The following RPS6KC1 variants were observed in gnomAD, a reference collection of about 807,000 sequenced individuals.
The protein encoded by RPS6KC1 is ribosomal protein S6 kinase C1, also known as inactive ribosomal protein S6 kinase delta-1.
Under a neutral mutation model 103.8 loss-of-function variants are expected in RPS6KC1, and 54 were observed. The ratio of observed to expected loss-of-function variants is 0.52; its 90% CI spans 0.42 to 0.65. The LOEUF (loss-of-function observed/expected upper bound fraction) is 0.65. Ranked by LOEUF, RPS6KC1 falls within the 30% of genes least tolerant of loss-of-function variation. The pLI, the probability that RPS6KC1 is intolerant of heterozygous loss-of-function variation, is 0.00. For missense variants in RPS6KC1, 1,151 were observed against 1,253.8 expected (o/e 0.92, Z 1.24); for synonymous variants, 439 against 438.7 (o/e 1.00, Z -0.01).
chr1:213,191,824 T>C (rs1334899512), intron 8 of RPS6KC1, among the ~76,000 whole-genome samples: 3 of 152,064 alleles, frequency 2.0e-5, no homozygotes, highest in African/African-American at 4.8e-5. Flanking sequence ...TTCTTCTTTT[T>C]TTTGAGATGG....
chr1:213,225,610 A>G (rs1215093385), intron 8 of RPS6KC1, among the ~76,000 whole-genome samples: 1 of 152,086 alleles, frequency 6.6e-6, no homozygotes, highest in Non-Finnish European at 1.5e-5. Flanking sequence ...GCTGGTCTTA[A>G]ACTCCTGACC....
chr1:213,640,663 G>T, the RPS6KC1 span, among the ~76,000 whole-genome samples: 21,241 of 150,884 alleles, frequency 0.14, 2,325 homozygotes, highest in African/African-American at 0.31. Context: ...TATTTTTAAG[G>T]GTTTTACCTT....
At chr1:213,449,225 A>T in the RPS6KC1 span, among the ~76,000 whole-genome samples, 2 of 149,302 alleles carry the variant, frequency 1.3e-5, no homozygotes, top group Non-Finnish European at 3.0e-5. Context: ...CCGCCCCACC[A>T]AGCCCCAGTA....
chr1:213,501,563 AC>A, the RPS6KC1 span, among the ~76,000 whole-genome samples: 1 of 151,922 alleles, frequency 6.6e-6, no homozygotes, highest in Non-Finnish European at 1.5e-5. Flanking sequence ...ACATGGTGAA[AC>A]CCCATCTCTA....
At chr1:213,084,891 A>T in intron 3 of RPS6KC1, among the ~76,000 whole-genome samples, 1 of 152,196 alleles carries the variant, frequency 6.6e-6, no homozygotes, top group East Asian at 1.9e-4. Context: ...TCCTCAGAGT[A>T]TCTCATCTGA....
chr1:213,860,520 A>G, the RPS6KC1 span, among the ~76,000 whole-genome samples: 2 of 152,194 alleles, frequency 1.3e-5, no homozygotes, highest in South Asian at 4.1e-4. Context: ...AGGAAAAGAA[A>G]GCACCATGGA....
At chr1:213,383,048 T>G in the RPS6KC1 span, among the ~76,000 whole-genome samples, 3 of 152,216 alleles carry the variant, frequency 2.0e-5, no homozygotes, top group African/African-American at 7.2e-5. Flanking sequence ...CGAAGCCTCT[T>G]GTGGAAGAGT....
chr1:213,697,786 T>A, the RPS6KC1 span, among the ~76,000 whole-genome samples: 1 of 152,188 alleles, frequency 6.6e-6, no homozygotes, highest in African/African-American at 2.4e-5. Context: ...TTAGTGTGTT[T>A]CCTCTTCTTC....
the RPS6KC1 span, among the ~76,000 whole-genome samples, chr1:213,443,420 A>G: frequency 6.6e-6 from 1 of 151,760 alleles, no homozygotes; most frequent in African/African-American, 2.4e-5. Context: ...AACCTGCACA[A>G]CTCATCACAG....
At chr1:213,301,004 CCTGAGCCTTTCTGGGG>C in the RPS6KC1 span, among the ~76,000 whole-genome samples, 1 of 152,144 alleles carries the variant, frequency 6.6e-6, no homozygotes, top group Admixed American at 6.5e-5. Flanking sequence ...GAAGAAGGTC[CCTGAGCCTTTCTGGGG>C]CTCTCTACTG....
the RPS6KC1 span, among the ~76,000 whole-genome samples, chr1:213,722,944 C>T: frequency 2.0e-5 from 3 of 152,204 alleles, no homozygotes; most frequent in South Asian, 2.1e-4. Flanking sequence ...TTTGGGAGGC[C>T]GAGGTTGGTG....
At chr1:213,322,025 G>A in the RPS6KC1 span, among the ~76,000 whole-genome samples, 384 of 152,296 alleles carry the variant, frequency 2.5e-3, 1 homozygote, top group African/African-American at 8.5e-3. Flanking sequence ...GTGAGGGCTG[G>A]CCCAGCATGG....
intron 1 of RPS6KC1, among the ~76,000 whole-genome samples, chr1:213,063,908 T>A (rs2078060427): frequency 6.6e-6 from 1 of 152,096 alleles, no homozygotes; most frequent in African/African-American, 2.4e-5. Context: ...TTTTTTTTTG[T>A]ATTTTTAGTA....
chr1:213,106,831 GTTTA>G (rs1426703680), intron 4 of RPS6KC1, among the ~76,000 whole-genome samples: 1 of 152,072 alleles, frequency 6.6e-6, no homozygotes, highest in Non-Finnish European at 1.5e-5. Flanking sequence ...TTCACTGGTT[GTTTA>G]TTTATTAGTA....
At chr1:213,505,005 C>T in the RPS6KC1 span, among the ~76,000 whole-genome samples, 1 of 152,168 alleles carries the variant, frequency 6.6e-6, no homozygotes. Flanking sequence ...CCACAACCCC[C>T]ATCTATGGGA....
the RPS6KC1 span, among the ~76,000 whole-genome samples, chr1:213,419,999 GGAGAA>G: frequency 1.3e-5 from 2 of 152,194 alleles, no homozygotes; most frequent in African/African-American, 2.4e-5. Flanking sequence ...TAGTTGATGC[GGAGAA>G]GAGAAAAGAT....
intron 3 of RPS6KC1, among the ~76,000 whole-genome samples, chr1:213,094,872 A>G (rs1023385409): frequency 2.6e-5 from 4 of 152,382 alleles, no homozygotes; most frequent in Non-Finnish European, 5.9e-5. Flanking sequence ...AAAATGATCA[A>G]ATATCCTCAT....
At position 213,062,681 on chromosome 1, in the gene RPS6KC1, C is replaced by T. The variant is rs1019326893; in HGVS notation, c.106-8325C>T. On this transcript the variant is annotated intron_variant, in intron 1 of 14. Transcript: ENST00000366960. ...AAGGTATTCTCCTGCCTCAGTCTCT[C>T]GAGCAGCTGGGACTACAGGCGAGCC... Among the ~76,000 whole-genome samples the T allele has an allele frequency of 2.6e-5, 4 of 151,896 alleles. No individual in the cohort carries two copies. In the East Asian group the frequency reaches 7.7e-4, roughly 29 times the overall value.
At chr1:213,817,468 A>G in the RPS6KC1 span, among the ~76,000 whole-genome samples, 1 of 152,226 alleles carries the variant, frequency 6.6e-6, no homozygotes, top group Admixed American at 6.5e-5. Context: ...TCCACTGCCA[A>G]TTATTTCCCT....
Sources: allele counts gnomAD v4.1 joint callset (sites outside exome capture counted in the v4.1 genomes callset), GRCh38; gene constraint gnomAD v4.1.1; transcripts MANE v1.5; gene names NCBI Gene and HGNC (gene_info 2026-07-23, HGNC 2026-07-21).